The following MARCHF1 variants were observed in gnomAD, a reference collection of about 807,000 sequenced individuals.
MARCHF1 encodes membrane associated ring-CH-type finger 1.
MARCHF1 carries 40 observed loss-of-function variants against 54.2 expected under a neutral mutation model. The observed-to-expected ratio is 0.74, with a 90% CI of 0.57 to 0.96. MARCHF1 has a LOEUF of 0.96. MARCHF1 is among the 40% of genes least tolerant of loss of function. MARCHF1 has a pLI of 0.00. For missense variants in MARCHF1, 586 were observed against 656.5 expected (o/e 0.89, Z 1.17); for synonymous variants, 236 against 236.3 (o/e 1.00, Z 0.01).
intron 1 of MARCHF1, among the ~76,000 whole-genome samples, chr4:164,212,801 G>C (rs1731814563): frequency 6.6e-6 from 1 of 152,056 alleles, no homozygotes; most frequent in Admixed American, 6.6e-5. Context: ...AGCCATATGA[G>C]GTGCCATTAT....
chr4:164,347,978 A>C (rs1238494499), intron 1 of MARCHF1, among the ~76,000 whole-genome samples: 1 of 152,186 alleles, frequency 6.6e-6, no homozygotes, highest in Non-Finnish European at 1.5e-5. Flanking sequence ...CCTTTTCCTA[A>C]TCCTATCAGA....
At chr4:163,873,051 AAAC>A (rs1344278627) in intron 3 of MARCHF1, among the ~76,000 whole-genome samples, 66 of 123,682 alleles carry the variant, frequency 5.3e-4, no homozygotes, top group African/African-American at 1.1e-3. Flanking sequence ...CTCAAAAAAA[AAAC>A]AAACAAACAA....
intron 3 of MARCHF1, among the ~76,000 whole-genome samples, chr4:163,932,277 T>C (rs1311072637): frequency 6.6e-6 from 1 of 152,134 alleles, no homozygotes; most frequent in Admixed American, 6.5e-5. Context: ...GACAATGAGA[T>C]TTGCCACATT....
At chr4:163,615,901 A>T (rs112103304) in intron 5 of MARCHF1, among the ~76,000 whole-genome samples, 1 of 152,284 alleles carries the variant, frequency 6.6e-6, no homozygotes, top group African/African-American at 2.4e-5. Context: ...GGAACACAAC[A>T]GGGAATTCAG....
intron 4 of MARCHF1, among the ~76,000 whole-genome samples, chr4:163,754,312 T>G (rs1746603553): frequency 6.6e-6 from 1 of 152,194 alleles, no homozygotes; most frequent in Non-Finnish European, 1.5e-5. Context: ...AGAAGGGGCT[T>G]CTCCCCTTTC....
At chr4:164,348,378 A>G (rs994945173) in intron 1 of MARCHF1, among the ~76,000 whole-genome samples, 1 of 152,160 alleles carries the variant, frequency 6.6e-6, no homozygotes, top group Non-Finnish European at 1.5e-5. Context: ...TTTTATGAAC[A>G]CAATTCTTTC....
At chr4:164,107,468 C>T (rs1193231242) in intron 2 of MARCHF1, among the ~76,000 whole-genome samples, 1 of 151,962 alleles carries the variant, frequency 6.6e-6, no homozygotes, top group African/African-American at 2.4e-5. Context: ...TCAAGCAGTC[C>T]TCTCCCCACT....
chr4:163,887,195 AAG>A (rs962893890), intron 3 of MARCHF1, among the ~76,000 whole-genome samples: 1 of 152,128 alleles, frequency 6.6e-6, no homozygotes, highest in Admixed American at 6.6e-5. Flanking sequence ...TAAGAAAAGA[AAG>A]AGGTAGATAT....
At chr4:163,620,642 G>A (rs1032934312) in intron 5 of MARCHF1, among the ~76,000 whole-genome samples, 2 of 120,888 alleles carry the variant, frequency 1.7e-5, no homozygotes, top group African/African-American at 6.8e-5. Context: ...GAGAGAGAGA[G>A]AGAGACACGC....
chr4:163,780,737 A>G (rs2110902671), intron 4 of MARCHF1, among the ~76,000 whole-genome samples: 1 of 152,318 alleles, frequency 6.6e-6, no homozygotes, highest in South Asian at 2.1e-4. Context: ...TTGGTTTTCA[A>G]ATAAACTTTT....
intron 4 of MARCHF1, among the ~76,000 whole-genome samples, chr4:163,722,573 C>T (rs1182950458): frequency 6.6e-6 from 1 of 152,102 alleles, no homozygotes; most frequent in Non-Finnish European, 1.5e-5. Flanking sequence ...GAGTTCAGTT[C>T]CTGGATATCC....
At chr4:164,175,925 T>C (rs549764765) in intron 1 of MARCHF1, among the ~76,000 whole-genome samples, 8 of 152,196 alleles carry the variant, frequency 5.3e-5, no homozygotes, top group Non-Finnish European at 1.0e-4. Flanking sequence ...TAATCTTTTC[T>C]AAATTGTTTC....
intron 4 of MARCHF1, among the ~76,000 whole-genome samples, chr4:163,767,387 G>A (rs1221947541): frequency 1.3e-5 from 2 of 151,096 alleles, no homozygotes; most frequent in Non-Finnish European, 2.9e-5. Context: ...AGGCTGGAGT[G>A]CAGTGGCGCG....
chr4:164,038,419 G>T (rs980545459), intron 2 of MARCHF1, among the ~76,000 whole-genome samples: 5 of 152,212 alleles, frequency 3.3e-5, no homozygotes, highest in Non-Finnish European at 5.9e-5. Context: ...TGTGAACCCG[G>T]GAGGTGGAGG....
At chr4:163,937,157 C>G (rs1751814019) in intron 3 of MARCHF1, among the ~76,000 whole-genome samples, 2 of 152,180 alleles carry the variant, frequency 1.3e-5, no homozygotes, top group East Asian at 1.9e-4. Flanking sequence ...TCTGCAACCT[C>G]AAGACTAAAT....
intron 4 of MARCHF1, among the ~76,000 whole-genome samples, chr4:163,772,741 G>A (rs1249045002): frequency 2.6e-5 from 1 of 39,194 alleles, no homozygotes; most frequent in African/African-American, 5.5e-5. Context: ...CATTTGATTA[G>A]GCTAGGGCGT....
intron 9 of MARCHF1, among the ~76,000 whole-genome samples, chr4:163,531,993 A>ATATT (rs1738369659): frequency 6.6e-6 from 1 of 151,926 alleles, no homozygotes; most frequent in Admixed American, 6.6e-5. Flanking sequence ...GGGAGACTTA[A>ATATT]TATTATATTA....
intron 3 of MARCHF1, among the ~76,000 whole-genome samples, chr4:163,981,593 G>C (rs1752764332): frequency 6.6e-6 from 1 of 152,140 alleles, no homozygotes; most frequent in Non-Finnish European, 1.5e-5. Context: ...GATATTCCTG[G>C]GAATGAGCTG....
intron 4 of MARCHF1, among the ~76,000 whole-genome samples, chr4:163,844,149 T>G (rs1749420254): frequency 6.6e-6 from 1 of 152,122 alleles, no homozygotes; most frequent in Admixed American, 6.6e-5. Context: ...CTCTGAAAGG[T>G]CCCAGCATGT....
Sources: allele counts gnomAD v4.1 joint callset (sites outside exome capture counted in the v4.1 genomes callset), GRCh38; gene constraint gnomAD v4.1.1; transcripts MANE v1.5; gene names NCBI Gene and HGNC (gene_info 2026-07-23, HGNC 2026-07-21).